The following FHOD3 variants were observed in gnomAD, a reference collection of about 807,000 sequenced individuals.
FHOD3 encodes formin homology 2 domain containing 3.
FHOD3 carries 90 observed loss-of-function variants against 173.0 expected under a neutral mutation model. The observed-to-expected ratio is 0.52, with a 90% CI of 0.44 to 0.62. The LOEUF (loss-of-function observed/expected upper bound fraction) is 0.62, where lower values mean the gene tolerates loss of function less well. FHOD3 is among the 20% of genes least tolerant of loss of function. The pLI is 0.00. For synonymous variants in FHOD3, 828 were observed against 823.0 expected (o/e 1.01, Z -0.10); for missense variants, 1,945 against 2,034.7 (o/e 0.96, Z 0.85).
chr18:36,611,739 T>C (rs2032698974), intron 8 of FHOD3, among the ~76,000 whole-genome samples: 1 of 152,208 alleles, frequency 6.6e-6, no homozygotes, highest in Non-Finnish European at 1.5e-5. Flanking sequence ...CCAAGGAGAT[T>C]ATGTAGCACT....
In FHOD3 at chr18:36,779,498, G is replaced by A. The variant is rs753840808; in HGVS notation, c.4837G>A (p.Gly1613Ser). ...GACCCCAGAAGAAGCCAGAGCCCTG[G>A]GCTTGGTTGGCACCTCGGAGTTGCA... ...GLTPEEARAL[G>S]LVGTSELQL Residue 1613 changes from glycine to serine, a missense_variant, in exon 29 of 29, where the codon GGC (glycine) becomes AGC (serine). By Grantham distance (56) the Gly-to-Ser change is moderately conservative. Transcript: ENST00000590592. 1 of 1,614,156 alleles carries A rather than the reference G, an allele frequency of 6.2e-7. No individual in the cohort carries two copies.
At chr18:36,574,532 A>G (rs557041493) in intron 5 of FHOD3, among the ~76,000 whole-genome samples, 9 of 152,200 alleles carry the variant, frequency 5.9e-5, no homozygotes, top group East Asian at 5.8e-4. Flanking sequence ...TTTTATATCA[A>G]ACTTTCATAT....
chr18:36,687,550 G>T (rs1209197185), intron 16 of FHOD3, among the ~76,000 whole-genome samples: 1 of 152,162 alleles, frequency 6.6e-6, no homozygotes, highest in African/African-American at 2.4e-5. Context: ...TCCACACTGT[G>T]CCAGGCAGCA....
chr18:36,693,132 G>A (rs996724744), intron 16 of FHOD3, 77 bp from the exon 17 acceptor site: 42 of 1,392,466 alleles, frequency 3.0e-5, no homozygotes, highest in Non-Finnish European at 4.2e-5. Context: ...CATTCTGCAG[G>A]TGTTTCATCC....
chr18:36,380,584 TTTCCTTTCCTTTCCTTTCC>T (rs1555686580), intron 3 of FHOD3, among the ~76,000 whole-genome samples: 3 of 88,350 alleles, frequency 3.4e-5, no homozygotes, highest in African/African-American at 1.4e-4. Context: ...TTTCTTTTCC[TTTCCTTTCCTTTCCTTTCC>T]TTTCCTTTCC....
rs1388948879 is a variant in FHOD3, at chr18:36,687,157, A to G, written c.2000A>G (p.Gln667Arg). The G allele has an allele frequency of 1.9e-6, 3 of 1,611,586 alleles. No individual in the cohort carries two copies. Among genetic ancestry groups the G allele is most frequent in the Admixed American group, 3.3e-5 (2 of 59,894 alleles). The stretch of plus-strand genomic sequence containing the variant: ...GATTATTTAGACAAAAGAGAGGAGC[A>G]AAGGCAAGCAAGAGAAGAAAGGTTT... ...SRDYLDKREE[Q>R]RQAREERYKY... Residue 667 changes from glutamine to arginine, a missense_variant, in exon 16 of 29, where the codon CAA (glutamine) becomes CGA (arginine). Gln to Arg is a conservative substitution (Grantham distance 43, BLOSUM62 1). Around this residue, in one of 5 missense-constraint regions of FHOD3, gnomAD observed 1,099 missense variants for 1,051.2 expected, o/e 1.05. Coordinates refer to ENST00000590592, the MANE Select transcript of FHOD3 (RefSeq NM_001281740.3).
chr18:36,410,826 C>T (rs1451164737), intron 3 of FHOD3, among the ~76,000 whole-genome samples: 1 of 152,026 alleles, frequency 6.6e-6, no homozygotes, highest in Non-Finnish European at 1.5e-5. Flanking sequence ...TCTTCAAATC[C>T]TTGGCCACTT....
At chr18:36,376,404 G>A (rs900512277) in intron 3 of FHOD3, among the ~76,000 whole-genome samples, 2 of 152,180 alleles carry the variant, frequency 1.3e-5, no homozygotes, top group South Asian at 2.1e-4. Context: ...CCTTTCAAGT[G>A]TCCAATATTG....
intron 5 of FHOD3, among the ~76,000 whole-genome samples, chr18:36,520,118 T>G (rs2056204013): frequency 6.6e-6 from 1 of 152,020 alleles, no homozygotes; most frequent in African/African-American, 2.4e-5. Context: ...CCACCATGGC[T>G]GGCTAATATT....
chr18:36,474,909 G>A (rs889515376), intron 3 of FHOD3, among the ~76,000 whole-genome samples: 14 of 151,802 alleles, frequency 9.2e-5, no homozygotes, highest in African/African-American at 3.4e-4. Flanking sequence ...AAAGCTGCCT[G>A]GGGTACAGGT....
Position 36,396,033 on chromosome 18 carries a change from A to C in FHOD3, c.337+23289A>C, listed in dbSNP as rs993981562. Among the ~76,000 whole-genome samples the C allele has an allele frequency of 5.6e-4, 85 of 152,302 alleles. 1 individual carries two copies. Among genetic ancestry groups the C allele is most frequent in the Non-Finnish European group, 8.7e-4 (59 of 68,008 alleles). On this transcript the variant is annotated intron_variant, in intron 3 of 28. Transcript: ENST00000590592. ...TTAACAGTTTATTGGTATGCTTTAT[A>C]AGATTTTTGCCATGTATAATATCCT...
At chr18:36,715,459 C>T (rs774957807) in intron 18 of FHOD3, among the ~76,000 whole-genome samples, 1 of 152,152 alleles carries the variant, frequency 6.6e-6, no homozygotes, top group Non-Finnish European at 1.5e-5. Context: ...TACCCAGTCT[C>T]GGGCAGCCCT....
At chr18:36,686,261 T>C (rs1163421187) in intron 15 of FHOD3, among the ~76,000 whole-genome samples, 2 of 151,976 alleles carry the variant, frequency 1.3e-5, no homozygotes, top group Admixed American at 1.3e-4. Flanking sequence ...CACCATGGAA[T>C]ACTATGTAGC....
chr18:36,481,514 C>T (rs958853617), intron 3 of FHOD3, among the ~76,000 whole-genome samples: 1 of 151,836 alleles, frequency 6.6e-6, no homozygotes, highest in Non-Finnish European at 1.5e-5. Context: ...CTTTTCACCC[C>T]CTCCCCACCC....
chr18:36,402,544 CAT>C (rs772627690), intron 3 of FHOD3, among the ~76,000 whole-genome samples: 6 of 150,880 alleles, frequency 4.0e-5, no homozygotes, highest in Non-Finnish European at 5.9e-5. Flanking sequence ...CACACACACA[CAT>C]ATGAAAATAC....
chr18:36,374,216 CT>C (rs2047325325), intron 3 of FHOD3, among the ~76,000 whole-genome samples: 1 of 152,108 alleles, frequency 6.6e-6, no homozygotes, highest in South Asian at 2.1e-4. Flanking sequence ...GTGTTATTGA[CT>C]TGTCTTATGA....
chr18:36,575,589 A>C (rs992165833), intron 5 of FHOD3, among the ~76,000 whole-genome samples: 38 of 152,300 alleles, frequency 2.5e-4, no homozygotes, highest in Admixed American at 1.2e-3. Context: ...TTACCAGCAT[A>C]AAAAATGTTG....
intron 9 of FHOD3, among the ~76,000 whole-genome samples, chr18:36,619,781 G>A (rs952825493): frequency 5.3e-5 from 8 of 152,210 alleles, no homozygotes; most frequent in South Asian, 2.1e-4. Context: ...ATCTGAGATC[G>A]CAAACATGTC....
At chr18:36,615,713 G>A (rs577514514) in intron 9 of FHOD3, among the ~76,000 whole-genome samples, 1 of 152,174 alleles carries the variant, frequency 6.6e-6, no homozygotes, top group East Asian at 1.9e-4. Flanking sequence ...GCTGTTATGA[G>A]GAAGATATTC....
Sources: allele counts gnomAD v4.1 joint callset (sites outside exome capture counted in the v4.1 genomes callset), GRCh38; gene constraint gnomAD v4.1.1; regional missense constraint gnomAD v4.1.1; transcripts MANE v1.5; gene names NCBI Gene and HGNC (gene_info 2026-07-23, HGNC 2026-07-21).